The following NCKAP1L variants were observed in gnomAD, a reference collection of about 807,000 sequenced individuals.
NCKAP1L encodes nck-associated protein 1-like.
In NCKAP1L, 53 loss-of-function variants were observed where a neutral mutation model predicts 139.2. The observed-to-expected ratio is 0.38, with a 90% confidence interval of 0.31 to 0.48. The LOEUF is 0.48. Among genes scored for constraint, NCKAP1L ranks in the 20% least tolerant of loss-of-function variants. NCKAP1L has a pLI of 0.98. For synonymous variants in NCKAP1L, 468 were observed against 499.7 expected, an observed-to-expected ratio of 0.94 and a Z score of 0.85; for missense variants, 1,151 against 1,381.9, an observed-to-expected ratio of 0.83 and a Z score of 2.65.
chr12:54,514,326 CT>C (rs35147448), intron 9 of NCKAP1L, among the ~76,000 whole-genome samples: 41 of 146,394 alleles, frequency 2.8e-4, no homozygotes, highest in African/African-American at 3.5e-4. Flanking sequence ...TTTTTATTTT[CT>C]TTTTTTTTTT....
At position 54,506,804 on chromosome 12, in the gene NCKAP1L, T is replaced by A. The variant is rs1388979728; in HGVS notation, c.307-1049T>A. Among the ~76,000 whole-genome samples, 82 of 127,968 alleles carry A rather than the reference T, an allele frequency of 6.4e-4. 2 individuals are homozygous for A. The highest frequency in any genetic ancestry group is 2.0e-3 in the African/African-American group (67 of 34,054). 84.0% of individuals were successfully genotyped at this position (127,968 alleles called of 152,430 possible). ...ACATATTAAAAAAAAAAAATATATA[T>A]ATATATATATATATATATATTCCTT... On this transcript the variant is annotated intron_variant, in intron 3 of 30. Transcript: ENST00000293373.
At chr12:54,510,668 C>T (rs1956880934) in intron 7 of NCKAP1L, among the ~76,000 whole-genome samples, 2 of 150,900 alleles carry the variant, frequency 1.3e-5, no homozygotes, top group African/African-American at 2.4e-5. Context: ...TGCCGCCACA[C>T]CTGGGTAATT....
Position 54,523,438 on chromosome 12 carries a change from C to T in NCKAP1L, c.1923C>T (p.Asn641=), listed in dbSNP as rs146187661. The change falls in exon 19 of 31, where the codon AAC becomes AAT. Residue 641 remains asparagine (N), a synonymous_variant. Coordinates refer to ENST00000293373, the MANE Select transcript of NCKAP1L (RefSeq NM_005337.5). The stretch of plus-strand genomic sequence containing the variant: ...CCACTACAATCAGCAAAGCCAAGAA[C>T]AAGAAAACCAGGAAGCAGAGGCAGA... ...HCATTISKAK[N]KKTRKQRQTP... The T allele has an allele frequency of 2.0e-4, 321 of 1,613,950 alleles. No individual in the cohort carries two copies. Among genetic ancestry groups the T allele is most frequent in the Non-Finnish European group, 2.6e-4 (310 of 1,180,026 alleles).
chr12:54,514,457 G>T (rs1956914644), intron 9 of NCKAP1L, among the ~76,000 whole-genome samples: 1 of 152,044 alleles, frequency 6.6e-6, no homozygotes, highest in South Asian at 2.1e-4. Flanking sequence ...AAGTAGCTGG[G>T]ATTACAGGCA....
intron 3 of NCKAP1L, among the ~76,000 whole-genome samples, chr12:54,506,796 A>AAAAAAAAAATATATATATATAT: frequency 5.9e-5 from 3 of 50,606 alleles, no homozygotes; most frequent in African/African-American, 2.2e-4. Context: ...AAAAAAAAAA[A>AAAAAAAAAATATATATATATAT]ATATATATAT....
In NCKAP1L at chr12:54,516,255, G is replaced by T; in HGVS notation, c.958G>T (p.Ala320Ser). ...SSLKGYGKRV[A>S]DIKESKEHVI... ...AATCCTCAGGTATGGCAAGAGAGTG[G>T]CAGACATAAAGGAGAGCAAGGAACA... is the stretch of plus-strand genomic sequence containing the variant. Residue 320 changes from alanine (A) to serine (S), a missense_variant, in exon 10 of 31, where the codon GCA (alanine) becomes TCA (serine). Physicochemically the swap from Ala to Ser is moderately conservative, Grantham distance 99. Transcript: ENST00000293373. The T allele has an allele frequency of 1.9e-6, 3 of 1,613,966 alleles. No individual in the cohort carries two copies. Among genetic ancestry groups the T allele is most frequent in the Non-Finnish European group, 2.5e-6 (3 of 1,179,966 alleles).
intron 20 of NCKAP1L, among the ~76,000 whole-genome samples, chr12:54,524,291 T>C (rs1957009766): frequency 6.6e-6 from 1 of 152,214 alleles, no homozygotes; most frequent in African/African-American, 2.4e-5. Flanking sequence ...ATCGTCCAAC[T>C]TATTTGAACC....
chr12:54,498,767 G>GA (rs1234839589), intron 1 of NCKAP1L: 1 of 984,934 alleles, frequency 1.0e-6, no homozygotes, highest in Non-Finnish European at 1.2e-6. Flanking sequence ...GAGGGGCGGG[G>GA]AAACAGCTTC....
intron 29 of NCKAP1L, among the ~76,000 whole-genome samples, chr12:54,537,428 A>T (rs1957121060): frequency 6.6e-6 from 1 of 152,226 alleles, no homozygotes; most frequent in Admixed American, 6.5e-5. Flanking sequence ...AACCGAATCC[A>T]TGAACCTTGG....
Position 54,500,590 on chromosome 12 carries a change from T to C in NCKAP1L, c.271T>C (p.Tyr91His), listed in dbSNP as rs1956790372. The C allele has an allele frequency of 8.1e-6, 13 of 1,613,326 alleles. No homozygotes were observed. The South Asian group carries it at 1.3e-4, about 16-fold the overall frequency. ...CGAGATAATTAGATTCCTCACCAAC[T>C]ACTACCAGTCATTTGTGGATGTCAT... ...KAEIIRFLTN[Y>H]YQSFVDVMEF... The change falls in exon 3 of 31, where the codon TAC becomes CAC. Residue 91 changes from tyrosine (Y) to histidine (H), a missense_variant. Coordinates refer to ENST00000293373, the MANE Select transcript of NCKAP1L (RefSeq NM_005337.5).
In NCKAP1L at chr12:54,543,560, T is replaced by G. The variant is rs990645002; in HGVS notation, c.*875T>G. ...AGGGACTAATTTAACCCCAAATCCT[T>G]TTGTCAGCCTGGGTATAGCTGTTGC... is the stretch of plus-strand genomic sequence containing the variant. On this transcript the variant is annotated 3_prime_UTR_variant, in exon 31 of 31. Transcript: ENST00000293373. 7 of 152,180 alleles carry G rather than the reference T, an allele frequency of 4.6e-5. No individual in the cohort carries two copies. Among genetic ancestry groups the G allele is most frequent in the African/African-American group, 1.7e-4 (7 of 41,442 alleles). The allele number at this position is 152,180 out of a possible 1,614,324, so 9.4% of individuals were successfully genotyped here.
intron 30 of NCKAP1L, among the ~76,000 whole-genome samples, chr12:54,541,701 C>T (rs920411694): frequency 1.3e-5 from 2 of 152,174 alleles, no homozygotes; most frequent in East Asian, 3.8e-4. Context: ...GGTAGATTCT[C>T]TTTCCTTAGT....
Position 54,523,811 on chromosome 12 carries a change from A to G in NCKAP1L, c.2025-14A>G, listed in dbSNP as rs771930405. The G allele has an allele frequency of 3.1e-6, 5 of 1,610,654 alleles. No homozygotes were observed. The African/African-American group carries it at 6.7e-5, about 22-fold the overall frequency. ...AGTGCCAGACCTGTAATCCAGGCTC[A>G]TTTTCCTTTCTAGCATGGACAAGCT... On this transcript the variant is annotated splice_polypyrimidine_tract_variant and intron_variant, in intron 19 of 30. Coordinates refer to ENST00000293373, the MANE Select transcript of NCKAP1L (RefSeq NM_005337.5).
intron 11 of NCKAP1L, 33 bp from the exon 12 acceptor site, chr12:54,517,500 T>C (rs1343458430): frequency 4.1e-6 from 6 of 1,462,500 alleles, no homozygotes; most frequent in Non-Finnish European, 5.8e-6. Context: ...TTTTTAAAGT[T>C]GAAAATTCTA....
chr12:54,531,453 C>A (rs1197831986), intron 23 of NCKAP1L, 38 bp from the exon 24 acceptor site: 2 of 1,611,846 alleles, frequency 1.2e-6, no homozygotes, highest in Non-Finnish European at 8.5e-7. Flanking sequence ...TTGGTCTCTT[C>A]TTTTCCTGCT....
At chr12:54,514,197 G>A (rs1707484) in intron 9 of NCKAP1L, among the ~76,000 whole-genome samples, 134,764 of 152,268 alleles carry the variant, frequency 0.89, 59,819 homozygotes, top group East Asian at 1. Context: ...TTGTAACATA[G>A]TTTATTTACA....
intron 18 of NCKAP1L, 61 bp downstream of exon 18, chr12:54,521,299 A>T: frequency 4.4e-6 from 7 of 1,590,924 alleles, no homozygotes; most frequent in Non-Finnish European, 6.0e-6. Context: ...CTTCCCCTCT[A>T]TCTAACTTTG....
rs370440419 is a variant in NCKAP1L at position 54,547,167 on chromosome 12, A to G, written c.*4482A>G. The G allele has an allele frequency of 5.9e-5, 9 of 152,330 alleles. No individual in the cohort carries two copies. The highest frequency in any genetic ancestry group is 1.9e-4 in the African/African-American group (8 of 41,560). 9.4% of individuals were successfully genotyped at this position (152,330 alleles called of 1,614,324 possible). ...TTTTGAGCCTCAGAGTGGAACAAGT[A>G]TACCCAATTCTTATCTGTTTAGAGA... On this transcript the variant is annotated 3_prime_UTR_variant, in exon 31 of 31. Transcript: ENST00000293373.
intron 29 of NCKAP1L, among the ~76,000 whole-genome samples, chr12:54,537,607 C>T (rs1037870837): frequency 6.6e-6 from 1 of 152,128 alleles, no homozygotes; most frequent in Admixed American, 6.5e-5. Context: ...GTTTTATCAT[C>T]TCTAAGGCCC....
Sources: gnomAD v4.1 joint callset for allele counts (sites outside exome capture counted in the v4.1 genomes callset) on GRCh38, gnomAD v4.1.1 for gene constraint, MANE v1.5 for transcripts, NCBI Gene and HGNC (gene_info 2026-07-23, HGNC 2026-07-21) for gene names.